Variants in EPB41L4A observed in about 807,000 individuals in gnomAD.
EPB41L4A encodes erythrocyte membrane protein band 4.1 like 4A.
In EPB41L4A, 100 loss-of-function variants were observed where a neutral mutation model predicts 108.6. That is an observed-to-expected ratio of 0.92 (90% CI 0.78 to 1.09). The LOEUF is 1.09. EPB41L4A is among the 50% of genes least tolerant of loss of function. The probability of loss-of-function intolerance (pLI) is 0.00; values close to 1 mark genes in which losing one functional copy is unlikely to be tolerated. For synonymous variants in EPB41L4A, 319 were observed against 289.0 expected (o/e 1.10, Z -1.05); for missense variants, 1,030 against 842.7 (o/e 1.22, Z -2.75).
chr5:112,236,503 C>T (rs1749342559), intron 11 of EPB41L4A, among the ~76,000 whole-genome samples: 1 of 152,202 alleles, frequency 6.6e-6, no homozygotes, highest in South Asian at 2.1e-4. Flanking sequence ...AATTTCCTGG[C>T]AGAAGTATTC....
At chr5:112,151,205 G>A (rs1487756484) in intron 12 of EPB41L4A, among the ~76,000 whole-genome samples, 3 of 151,852 alleles carry the variant, frequency 2.0e-5, no homozygotes, top group East Asian at 1.9e-4. Context: ...GTGGTAACCC[G>A]TAAAAAAAGT....
intron 12 of EPB41L4A, chr5:112,210,197 T>A (rs1762668506): frequency 2.7e-6 from 1 of 367,208 alleles, no homozygotes; most frequent in Admixed American, 4.5e-5. Flanking sequence ...GTCCTGGGAG[T>A]CTAGGCTATT....
intron 16 of EPB41L4A, among the ~76,000 whole-genome samples, chr5:112,195,289 C>T (rs1247479328): frequency 6.6e-6 from 1 of 152,100 alleles, no homozygotes; most frequent in Non-Finnish European, 1.5e-5. Context: ...CTGGATAACA[C>T]AACCTCAGCT....
chr5:112,317,998 G>A (rs1755538663), intron 1 of EPB41L4A, among the ~76,000 whole-genome samples: 1 of 152,132 alleles, frequency 6.6e-6, no homozygotes, highest in Non-Finnish European at 1.5e-5. Context: ...TGTCCTTGAT[G>A]ACATAGATTG....
At chr5:112,360,222 A>C (rs1249183467) in intron 1 of EPB41L4A, among the ~76,000 whole-genome samples, 2 of 152,146 alleles carry the variant, frequency 1.3e-5, no homozygotes, top group African/African-American at 4.8e-5. Flanking sequence ...CAGGAGTTTG[A>C]GACCAGCCTG....
chr5:112,227,582 C>T (rs1266504825), intron 12 of EPB41L4A, among the ~76,000 whole-genome samples: 5 of 152,140 alleles, frequency 3.3e-5, no homozygotes, highest in Non-Finnish European at 7.4e-5. Flanking sequence ...GAAGCTGAAC[C>T]AGCAAAGTAC....
intron 1 of EPB41L4A, among the ~76,000 whole-genome samples, chr5:112,361,736 A>T (rs1171500246): frequency 2.6e-5 from 4 of 151,040 alleles, no homozygotes; most frequent in African/African-American, 9.7e-5. Flanking sequence ...AATAATAATA[A>T]ACTGACTGGG....
chr5:112,370,053 C>T (rs530113188), intron 1 of EPB41L4A, among the ~76,000 whole-genome samples: 3 of 152,150 alleles, frequency 2.0e-5, no homozygotes, highest in Admixed American at 1.3e-4. Flanking sequence ...GAGACAGGGT[C>T]TTACTTTGTC....
At chr5:112,371,135 T>C (rs555638376) in intron 1 of EPB41L4A, among the ~76,000 whole-genome samples, 2 of 152,322 alleles carry the variant, frequency 1.3e-5, no homozygotes, top group East Asian at 3.9e-4. Flanking sequence ...GTATAAACAA[T>C]ACATATTATG....
At chr5:112,218,201 G>A (rs964585465) in intron 12 of EPB41L4A, among the ~76,000 whole-genome samples, 6 of 151,932 alleles carry the variant, frequency 3.9e-5, no homozygotes, top group African/African-American at 1.5e-4. Context: ...GGAGTAGGAT[G>A]AGAGACTTCT....
At chr5:112,149,109 C>T (rs901103355) in intron 12 of EPB41L4A, among the ~76,000 whole-genome samples, 4 of 152,176 alleles carry the variant, frequency 2.6e-5, no homozygotes, top group Non-Finnish European at 5.9e-5. Context: ...CTATTCTCAT[C>T]ATCTTATTAT....
At chr5:112,408,243 T>C (rs6594596) in intron 1 of EPB41L4A, among the ~76,000 whole-genome samples, 13,859 of 152,226 alleles carry the variant, frequency 0.091, 2,028 homozygotes, top group African/African-American at 0.31. Context: ...CCTAAGGCTA[T>C]TAAAAATCTT....
At chr5:112,347,964 G>A (rs1757794341) in intron 1 of EPB41L4A, among the ~76,000 whole-genome samples, 1 of 152,074 alleles carries the variant, frequency 6.6e-6, no homozygotes, top group Non-Finnish European at 1.5e-5. Flanking sequence ...ACCTTCAAAG[G>A]CTCCCTACTG....
At chr5:112,187,752 C>T (rs1761498439) in intron 17 of EPB41L4A, among the ~76,000 whole-genome samples, 1 of 152,154 alleles carries the variant, frequency 6.6e-6, no homozygotes, top group South Asian at 2.1e-4. Context: ...CCTTTCTTTA[C>T]ATAAGTTCTT....
At chr5:112,367,219 A>C (rs1759174963) in intron 1 of EPB41L4A, among the ~76,000 whole-genome samples, 1 of 152,212 alleles carries the variant, frequency 6.6e-6, no homozygotes, top group South Asian at 2.1e-4. Flanking sequence ...ACAGGCAAGA[A>C]CCTAACTCCT....
chr5:112,362,914 A>AT lies in EPB41L4A; in HGVS notation c.100-55425dup, dbSNP rs1457840063. Among the ~76,000 whole-genome samples the AT allele has an allele frequency of 4.7e-4, 41 of 87,576 alleles. 1 individual carries two copies. In the East Asian group the frequency reaches 7.9e-3, roughly 17 times the overall value. The allele number at this position is 87,576 out of a possible 152,430, so 57.5% of individuals were successfully genotyped here. A position where few individuals can be genotyped will look rare whatever the true frequency, so the allele number is the denominator to read the frequency against. ...TTATATGTATTTTTATTTGATTATTATTATTTTTTTTTAAAGGCAAGATTT... is the reference window on the plus strand; with the variant it reads ...TTATATGTATTTTTATTTGATTATTATTTATTTTTTTTTAAAGGCAAGATTT... On this transcript the variant is annotated intron_variant, in intron 1 of 22. Transcript: ENST00000261486.
At chr5:112,179,896 C>A (rs1048649101) in intron 18 of EPB41L4A, among the ~76,000 whole-genome samples, 8 of 151,960 alleles carry the variant, frequency 5.3e-5, no homozygotes, top group Admixed American at 3.9e-4. Flanking sequence ...TGATTGTAAC[C>A]GCAGAAAATC....
intron 1 of EPB41L4A, among the ~76,000 whole-genome samples, chr5:112,379,246 G>A (rs768654534): frequency 1.3e-5 from 2 of 152,062 alleles, no homozygotes; most frequent in Non-Finnish European, 2.9e-5. Flanking sequence ...TTTTTTAAAC[G>A]CTTCCTTTTA....
downstream of EPB41L4A, among the ~76,000 whole-genome samples, chr5:112,158,601 T>G (rs1418641352): frequency 6.6e-6 from 1 of 152,122 alleles, no homozygotes; most frequent in Non-Finnish European, 1.5e-5. Flanking sequence ...ATAAAAAGGT[T>G]TAATTAACTT....
Sources: gnomAD v4.1 joint callset for allele counts (sites outside exome capture counted in the v4.1 genomes callset) on GRCh38, gnomAD v4.1.1 for gene constraint, MANE v1.5 for transcripts, NCBI Gene and HGNC (gene_info 2026-07-23, HGNC 2026-07-21) for gene names.